ANKRD11: variants seen among roughly 807,000 people sequenced by gnomAD.
The protein encoded by ANKRD11 is ankyrin repeat domain-containing protein 11.
ANKRD11 carries 17 observed loss-of-function variants against 195.7 expected under a neutral mutation model. The ratio of observed to expected loss-of-function variants is 0.09; its 90% CI spans 0.06 to 0.13. The LOEUF is 0.13. Ranked by LOEUF, ANKRD11 falls within the 10% of genes least tolerant of loss-of-function variation. The pLI, the probability that ANKRD11 is intolerant of heterozygous loss-of-function variation, is 1.00. For missense variants in ANKRD11, 3,735 were observed against 3,566.1 expected (o/e 1.05, Z -1.21); for synonymous variants, 1,953 against 1,528.1 (o/e 1.28, Z -6.49).
At chr16:89,302,910 T>C (rs1345580699) in intron 4 of ANKRD11, among the ~76,000 whole-genome samples, 1 of 152,074 alleles carries the variant, frequency 6.6e-6, no homozygotes, top group Non-Finnish European at 1.5e-5. Context: ...GCAGAAAATA[T>C]CCCAGAGACC....
chr16:89,277,578 C>T (rs1269137605), intron 9 of ANKRD11: 1 of 152,264 alleles, frequency 6.6e-6, no homozygotes, highest in Non-Finnish European at 1.5e-5. Flanking sequence ...GAGGAGAGAT[C>T]CTGGGGCAGG....
At chr16:89,288,447 G>A in intron 7 of ANKRD11, 81 bp downstream of exon 7, 1 of 1,602,230 alleles carries the variant, frequency 6.2e-7, no homozygotes, top group Non-Finnish European at 8.5e-7. Flanking sequence ...CATGGAACCG[G>A]CTAGCTACGG....
chr16:89,281,129 C>T lies in ANKRD11; in HGVS notation c.5413G>A (p.Val1805Ile), dbSNP rs151288302. 1.6e-4 allele frequency: 255 copies of T among 1,613,106 alleles called. No individual in the cohort carries two copies. In the African/African-American group the frequency reaches 2.3e-3, roughly 14 times the overall value. ...IRRTPEEEFS[V>I]GDKLFRQQSV... is the part of the protein sequence containing the mutation. ...TGCTGCCTGAAGAGCTTGTCTCCGA[C>T]GCTGAATTCTTCCTCGGGGGTCCTC... Residue 1805 changes from valine (V) to isoleucine (I), a missense_variant, in exon 9 of 13, where the codon GTC becomes ATC. Transcript: ENST00000301030. This position sits in a 1 kb window ranked among gnomAD's most constrained non-coding sequence, Gnocchi z 5.5.
In ANKRD11 at chr16:89,423,670, T is replaced by C. The variant is rs372122620; in HGVS notation, c.-144-5302A>G. 2.0e-5 allele frequency among the ~76,000 whole-genome samples: 3 copies of C among 152,158 alleles called. No homozygotes were observed. The South Asian group carries it at 6.2e-4, about 32-fold the overall frequency. On this transcript the variant is annotated intron_variant, in intron 1 of 12. Coordinates refer to ENST00000301030, the MANE Select transcript of ANKRD11 (RefSeq NM_013275.6). ...TTACTAGAGGTCAAAAATGGTCCAA[T>C]AAACTCCACTCAGTTGTTCACAGCT...
At chr16:89,463,812 G>GTTA (rs60995771) in intron 1 of ANKRD11, among the ~76,000 whole-genome samples, 82,388 of 151,740 alleles carry the variant, frequency 0.54, 22,508 homozygotes, top group Middle Eastern at 0.67. Flanking sequence ...GCAATAGACT[G>GTTA]TTAAGTTTAA....
chr16:89,287,976 C>T (rs964019083), intron 7 of ANKRD11: 6 of 475,410 alleles, frequency 1.3e-5, no homozygotes, highest in Non-Finnish European at 2.2e-5. Flanking sequence ...CTCCAGGCAG[C>T]ACCCCTGCTT....
intron 2 of ANKRD11, among the ~76,000 whole-genome samples, chr16:89,382,568 C>G (rs1205937929): frequency 2.0e-5 from 3 of 152,056 alleles, no homozygotes. Context: ...CTCAAGTGAT[C>G]CACCTTGATC....
At chr16:89,448,197 C>A (rs1341903338) in intron 1 of ANKRD11, among the ~76,000 whole-genome samples, 1 of 152,094 alleles carries the variant, frequency 6.6e-6, no homozygotes. Flanking sequence ...ACAGTGGGCA[C>A]CTTGCAGACA....
At chr16:89,359,987 G>C (rs986113631) in intron 2 of ANKRD11, among the ~76,000 whole-genome samples, 2 of 151,950 alleles carry the variant, frequency 1.3e-5, no homozygotes, top group African/African-American at 4.8e-5. Flanking sequence ...GAGGTTGTAC[G>C]TGTTATTCTA....
intron 4 of ANKRD11, among the ~76,000 whole-genome samples, chr16:89,294,980 C>T (rs1173524273): frequency 6.6e-6 from 1 of 152,258 alleles, no homozygotes; most frequent in Non-Finnish European, 1.5e-5. Flanking sequence ...CTGTAGCATT[C>T]TGCAAATTTC....
Position 89,281,825 on chromosome 16 carries a change from G to A in ANKRD11, c.4717C>T (p.Leu1573=), listed in dbSNP as rs894865897. Residue 1573 remains leucine (L), a synonymous_variant, in exon 9 of 13, where the codon CTG becomes TTG. Coordinates refer to ENST00000301030, the MANE Select transcript of ANKRD11 (RefSeq NM_013275.6). The surrounding 1 kb of genome is among the most constrained non-coding windows in gnomAD (Gnocchi z 5.5). ...KKDARPREKL[L]GDGDLMMTSF... ...GTCATCATCAGGTCGCCGTCCCCCA[G>A]GAGCTTCTCCCTGGGCCTGGCGTCT... 4 of 1,613,884 alleles carry A rather than the reference G, an allele frequency of 2.5e-6. No homozygotes were observed. The highest frequency in any genetic ancestry group is 3.4e-6 in the Non-Finnish European group (4 of 1,180,024).
At chr16:89,401,414 C>T (rs1487667491) in intron 2 of ANKRD11, among the ~76,000 whole-genome samples, 2 of 152,120 alleles carry the variant, frequency 1.3e-5, no homozygotes, top group Non-Finnish European at 2.9e-5. Context: ...CTAAATATCA[C>T]GCTGGGATAA....
intron 2 of ANKRD11, among the ~76,000 whole-genome samples, chr16:89,377,801 A>G (rs2040486234): frequency 1.3e-5 from 2 of 152,110 alleles, no homozygotes; most frequent in East Asian, 3.9e-4. Context: ...GAAATGACAA[A>G]GCACTTCGTA....
rs534628110 is a variant in ANKRD11 at position 89,282,610 on chromosome 16, C to G, written c.3932G>C (p.Arg1311Pro). Residue 1311 changes from arginine to proline, a missense_variant, in exon 9 of 13, where the codon CGA (arginine) becomes CCA (proline). Arg to Pro is a moderately radical substitution (Grantham distance 103). Coordinates refer to ENST00000301030, the MANE Select transcript of ANKRD11 (RefSeq NM_013275.6). The stretch of plus-strand genomic sequence containing the variant: ...GGCAGTCAGCCCCGGCTCCTGCCCT[C>G]GGTCCGTGAAGCTGTCAGAGGAGAC... ...SEVSSDSFTD[R>P]GQEPGLTAFL... The G allele has an allele frequency of 6.2e-7, 1 of 1,614,182 alleles. No homozygotes were observed.
In ANKRD11 at chr16:89,305,213, C is replaced by G. The variant is rs146886192; in HGVS notation, c.219G>C (p.Ser73=). Residue 73 remains serine (S), a synonymous_variant, in exon 4 of 13, where the codon TCG becomes TCC. Coordinates refer to ENST00000301030, the MANE Select transcript of ANKRD11 (RefSeq NM_013275.6). ...GGGGCCGCGGGCTGGTACCTGTGTC[C>G]GAGTCCTTCTGCTCCCCATTGGCGC... The part of the protein sequence containing the change: ...TAGANGEQKD[S]DTEKQGPERK... 3 of 1,612,500 alleles carry G rather than the reference C, an allele frequency of 1.9e-6. No individual in the cohort carries two copies. The highest frequency in any genetic ancestry group is 2.2e-5 in the East Asian group (1 of 44,874).
chr16:89,284,817 G>C lies in ANKRD11; in HGVS notation c.1725C>G (p.Ser575Arg). 1 of 1,613,804 alleles carries C rather than the reference G, an allele frequency of 6.2e-7. No individual in the cohort carries two copies. The highest frequency in any genetic ancestry group is 8.5e-7 in the Non-Finnish European group (1 of 1,180,024). Residue 575 changes from serine (S) to arginine (R), a missense_variant, in exon 9 of 13, where the codon AGC (serine) becomes AGG (arginine). By Grantham distance (110) the Ser-to-Arg change is moderately radical. Transcript: ENST00000301030. ...AGCCCTCAGAGGAGTAGTCAGACTC[G>C]CTTGTCAGTCTCGTCCTTGTGGAGT... is the stretch of plus-strand genomic sequence containing the variant. The part of the protein sequence containing the change: ...LSDSTRTRLT[S>R]ESDYSSEGSS...
intron 2 of ANKRD11, among the ~76,000 whole-genome samples, chr16:89,352,422 T>G (rs1365741322): frequency 6.7e-6 from 1 of 149,908 alleles, no homozygotes; most frequent in African/African-American, 2.5e-5. Context: ...CCTCCTGCTC[T>G]CAGGTCAGTG....
chr16:89,294,890 G>A (rs901881278), intron 4 of ANKRD11, among the ~76,000 whole-genome samples: 16 of 152,330 alleles, frequency 1.1e-4, no homozygotes, highest in Admixed American at 9.1e-4. Context: ...AGTGCAGAGC[G>A]CAGGAGGCGC....
chr16:89,274,040 T>TG (rs749217161), intron 11 of ANKRD11, among the ~76,000 whole-genome samples: 2 of 152,134 alleles, frequency 1.3e-5, no homozygotes. Flanking sequence ...GAGGGGCTGA[T>TG]GCAGGCGAGG....
Sources: gnomAD v4.1 joint callset for allele counts (sites outside exome capture counted in the v4.1 genomes callset) on GRCh38, gnomAD v4.1.1 for gene constraint, Gnocchi (gnomAD v3.1) non-coding constraint, MANE v1.5 for transcripts, NCBI Gene and HGNC (gene_info 2026-07-23, HGNC 2026-07-21) for gene names.